Variants in KCNIP1 observed in about 807,000 individuals in gnomAD.
KCNIP1 encodes potassium voltage-gated channel interacting protein 1, also known as A-type potassium channel modulatory protein KCNIP1.
In KCNIP1, 18 loss-of-function variants were observed where a neutral mutation model predicts 33.0. The ratio of observed to expected loss-of-function variants is 0.55; its 90% confidence interval spans 0.38 to 0.81. The LOEUF (loss-of-function observed/expected upper bound fraction) is 0.81. Among genes scored for constraint, KCNIP1 ranks in the 30% least tolerant of loss-of-function variants. KCNIP1 has a pLI of 0.00. For synonymous variants in KCNIP1, 93 were observed against 98.3 expected (o/e 0.95, Z 0.32); for missense variants, 238 against 271.6 (o/e 0.88, Z 0.87).
chr5:170,732,594 G>A (rs1347302075), intron 5 of KCNIP1, among the ~76,000 whole-genome samples: 1 of 152,004 alleles, frequency 6.6e-6, no homozygotes, highest in African/African-American at 2.4e-5. Context: ...AGGGATTTAG[G>A]AATTGTCTAC....
At chr5:170,378,906 G>C (rs771101151) in intron 1 of KCNIP1, 1 of 1,614,128 alleles carries the variant, frequency 6.2e-7, no homozygotes, top group Non-Finnish European at 8.5e-7. Flanking sequence ...TTGGAATTTG[G>C]CTCTGACCTT....
chr5:170,545,362 T>A (rs1450204801), intron 1 of KCNIP1, among the ~76,000 whole-genome samples: 1 of 152,208 alleles, frequency 6.6e-6, no homozygotes, highest in Admixed American at 6.5e-5. Context: ...TTCTTTGTGT[T>A]TAACTTTTTG....
At chr5:170,705,826 TG>T (rs1281164166) in intron 1 of KCNIP1, among the ~76,000 whole-genome samples, 1 of 152,212 alleles carries the variant, frequency 6.6e-6, no homozygotes, top group Non-Finnish European at 1.5e-5. Flanking sequence ...TTAACAGATG[TG>T]ACTATTGGAT....
At chr5:170,686,641 T>C (rs968263198) in intron 1 of KCNIP1, among the ~76,000 whole-genome samples, 2 of 152,198 alleles carry the variant, frequency 1.3e-5, no homozygotes, top group Non-Finnish European at 2.9e-5. Flanking sequence ...GCCCCACAGC[T>C]GACCCCGGCC....
chr5:170,692,034 G>A (rs751065128), intron 1 of KCNIP1, among the ~76,000 whole-genome samples: 1 of 152,170 alleles, frequency 6.6e-6, no homozygotes, highest in Non-Finnish European at 1.5e-5. Flanking sequence ...GACATTCACA[G>A]ATGCTAATAG....
intron 1 of KCNIP1, among the ~76,000 whole-genome samples, chr5:170,713,096 G>A (rs537596354): frequency 1.1e-4 from 17 of 152,198 alleles, no homozygotes; most frequent in African/African-American, 3.6e-4. Flanking sequence ...AAATGGTTAC[G>A]TTTTCCTTTT....
intron 1 of KCNIP1, among the ~76,000 whole-genome samples, chr5:170,478,386 C>T (rs905928322): frequency 6.6e-6 from 1 of 152,222 alleles, no homozygotes; most frequent in Non-Finnish European, 1.5e-5. Context: ...CTATGCAACG[C>T]TCATGGCTGG....
chr5:170,704,536 A>G (rs992534860), intron 1 of KCNIP1, among the ~76,000 whole-genome samples: 8 of 152,170 alleles, frequency 5.3e-5, no homozygotes, highest in Non-Finnish European at 1.0e-4. Flanking sequence ...TCGTCTGGAA[A>G]GGTAGACCAG....
chr5:170,725,515 G>C (rs1763978260), intron 5 of KCNIP1, among the ~76,000 whole-genome samples: 1 of 152,132 alleles, frequency 6.6e-6, no homozygotes, highest in Non-Finnish European at 1.5e-5. Flanking sequence ...ACCAGAGGCT[G>C]GGAAGGATAG....
chr5:170,530,909 T>C (rs1390638813), intron 1 of KCNIP1, among the ~76,000 whole-genome samples: 1 of 152,182 alleles, frequency 6.6e-6, no homozygotes, highest in African/African-American at 2.4e-5. Context: ...TAGTGGGGTC[T>C]TTCCTGCAGA....
chr5:170,589,241 C>T (rs994978673), intron 1 of KCNIP1, among the ~76,000 whole-genome samples: 2 of 152,078 alleles, frequency 1.3e-5, no homozygotes, highest in African/African-American at 2.4e-5. Flanking sequence ...CCTCTTGATC[C>T]ACCCGCCTCG....
intron 1 of KCNIP1, chr5:170,385,385 T>C (rs936597503): frequency 2.5e-6 from 4 of 1,613,964 alleles, no homozygotes; most frequent in Non-Finnish European, 3.4e-6. Flanking sequence ...CCACCATGGT[T>C]ACACCCAGGC....
At chr5:170,559,549 A>G (rs967859414) in intron 1 of KCNIP1, among the ~76,000 whole-genome samples, 2 of 151,972 alleles carry the variant, frequency 1.3e-5, no homozygotes, top group Non-Finnish European at 2.9e-5. Context: ...TTAAACTTCA[A>G]CTGCTCCAGG....
intron 1 of KCNIP1, among the ~76,000 whole-genome samples, chr5:170,492,996 C>T (rs1043629046): frequency 2.0e-5 from 3 of 152,206 alleles, no homozygotes; most frequent in African/African-American, 7.2e-5. Context: ...GATCCAACCA[C>T]CTTGACCTCC....
intron 1 of KCNIP1, among the ~76,000 whole-genome samples, chr5:170,677,074 G>A (rs1762173764): frequency 6.6e-6 from 1 of 152,090 alleles, no homozygotes; most frequent in Admixed American, 6.5e-5. Context: ...TGTCCATGGG[G>A]CCCAGCTGAG....
At chr5:170,524,007 C>A (rs141700283) in intron 1 of KCNIP1, among the ~76,000 whole-genome samples, 150 of 152,356 alleles carry the variant, frequency 9.8e-4, no homozygotes, top group African/African-American at 3.4e-3. Flanking sequence ...CACCACCCCC[C>A]AGTCCTCCGG....
At chr5:170,716,588 C>T (rs1763651724) in intron 1 of KCNIP1, among the ~76,000 whole-genome samples, 1 of 152,176 alleles carries the variant, frequency 6.6e-6, no homozygotes, top group Admixed American at 6.5e-5. Context: ...GCAGATACTA[C>T]AGAATCTGTT....
At chr5:170,422,980 G>C (rs1426732190) in intron 1 of KCNIP1, 1 of 152,352 alleles carries the variant, frequency 6.6e-6, no homozygotes. Context: ...CAGCTGCTCA[G>C]GAGGTTGAGG....
intron 1 of KCNIP1, among the ~76,000 whole-genome samples, chr5:170,649,397 T>G (rs945719608): frequency 6.6e-6 from 1 of 152,192 alleles, no homozygotes; most frequent in Non-Finnish European, 1.5e-5. Context: ...CCATCAAAAC[T>G]TTTGTTCCAG....
Sources: gnomAD v4.1 joint callset for allele counts (sites outside exome capture counted in the v4.1 genomes callset) on GRCh38, gnomAD v4.1.1 for gene constraint, MANE v1.5 for transcripts, NCBI Gene and HGNC (gene_info 2026-07-23, HGNC 2026-07-21) for gene names.